Variants in ELF5 observed in about 807,000 individuals in gnomAD.
ELF5 encodes the protein ETS-related transcription factor Elf-5.
A neutral mutation model predicts 38.2 loss-of-function variants in ELF5; 31 were observed. That is an observed-to-expected ratio of 0.81 (90% confidence interval 0.61 to 1.10). ELF5 has a LOEUF of 1.10. ELF5 is among the 50% of genes least tolerant of loss of function. ELF5 has a pLI of 0.00. For synonymous variants in ELF5, 121 were observed against 112.5 expected (o/e 1.08, Z -0.48); for missense variants, 300 against 306.6 (o/e 0.98, Z 0.16).
At chr11:34,505,808 C>A (rs111890008) in intron 1 of ELF5, 55 bp from the exon 2 acceptor site, 35 of 1,589,638 alleles carry the variant, frequency 2.2e-5, no homozygotes, top group African/African-American at 2.0e-4. Flanking sequence ...CCTGAAGCCA[C>A]ACTGTGCAGG....
chr11:34,512,675 A>C (rs1850791988), intron 1 of ELF5, among the ~76,000 whole-genome samples: 1 of 152,046 alleles, frequency 6.6e-6, no homozygotes, highest in Admixed American at 6.5e-5. Context: ...AAAATCAGCC[A>C]TCAACAATGT....
At chr11:34,498,050 T>C (rs12574768) in intron 2 of ELF5, among the ~76,000 whole-genome samples, 31,611 of 152,184 alleles carry the variant, frequency 0.21, 3,550 homozygotes, top group South Asian at 0.37. Context: ...AAAATCACTG[T>C]TCTCAAACTT....
chr11:34,509,846 G>C (rs1850708067), intron 1 of ELF5, among the ~76,000 whole-genome samples: 1 of 152,180 alleles, frequency 6.6e-6, no homozygotes, highest in Non-Finnish European at 1.5e-5. Context: ...TGGGAGAAAG[G>C]AGAGGTGAAT....
At chr11:34,486,678 C>G (rs569423654) in intron 4 of ELF5, among the ~76,000 whole-genome samples, 38 of 152,356 alleles carry the variant, frequency 2.5e-4, no homozygotes, top group African/African-American at 9.1e-4. Context: ...CAAGTTATTA[C>G]ACCTCCAGTT....
In ELF5 at chr11:34,490,054, A is replaced by C. The variant is rs767471452; in HGVS notation, c.361T>G (p.Ser121Ala). The C allele has an allele frequency of 2.0e-5, 33 of 1,613,840 alleles. No homozygotes were observed. Among genetic ancestry groups the C allele is most frequent in the Non-Finnish European group, 2.8e-5 (33 of 1,179,930 alleles). Residue 121 changes from serine to alanine, a missense_variant, in exon 4 of 7, where the codon TCC becomes GCC. Physicochemically the swap from Ser to Ala is moderately conservative, Grantham distance 99. Transcript: ENST00000257832. ...ILQNIRTQGY[S>A]FFNDAEESKA... The stretch of plus-strand genomic sequence containing the variant: ...CTTTCTTCAGCGTCATTAAAAAAGG[A>C]GTAACCTGGGAAAGAAAAAGAAATC...
At chr11:34,488,793 TAGAG>T (rs1473726502) in intron 4 of ELF5, among the ~76,000 whole-genome samples, 2 of 152,150 alleles carry the variant, frequency 1.3e-5, no homozygotes, top group African/African-American at 4.8e-5. Context: ...CACTACTACT[TAGAG>T]AGTAAAGCAA....
At chr11:34,484,008 CTG>C (rs1344731266) in intron 4 of ELF5, among the ~76,000 whole-genome samples, 2 of 151,500 alleles carry the variant, frequency 1.3e-5, no homozygotes, top group African/African-American at 2.4e-5. Context: ...ACTATATTAA[CTG>C]TATTGTACTG....
chr11:34,480,517 G>C (rs1452299296), intron 6 of ELF5, among the ~76,000 whole-genome samples: 3 of 152,046 alleles, frequency 2.0e-5, no homozygotes, highest in Non-Finnish European at 4.4e-5. Context: ...AGCTCAAAAC[G>C]TGTTTTTCTT....
At chr11:34,490,206 G>T in intron 3 of ELF5, 147 bp from the exon 4 acceptor site, 1 of 815,588 alleles carries the variant, frequency 1.2e-6, no homozygotes, top group Non-Finnish European at 2.1e-6. Context: ...AGACCATCTG[G>T]TCTTAGAGTG....
intron 2 of ELF5, among the ~76,000 whole-genome samples, chr11:34,505,160 GATA>G (rs1480975042): frequency 6.6e-6 from 1 of 152,144 alleles, no homozygotes; most frequent in Non-Finnish European, 1.5e-5. Flanking sequence ...ATAAAATGGG[GATA>G]ATAATTGTTC....
intron 4 of ELF5, among the ~76,000 whole-genome samples, chr11:34,486,725 T>C (rs1171126104): frequency 1.3e-5 from 2 of 152,222 alleles, no homozygotes; most frequent in African/African-American, 2.4e-5. Flanking sequence ...CACTCCCTAA[T>C]GGAGCTAGAA....
Position 34,480,844 on chromosome 11 carries a change from G to A in ELF5, c.599C>T (p.Ala200Val). The change falls in exon 6 of 7, where the codon GCC (alanine) becomes GTC (valine). Residue 200 changes from alanine (A) to valine (V), a missense_variant. Physicochemically the swap from Ala to Val is moderately conservative, Grantham distance 64 (BLOSUM62 0). Coordinates refer to ENST00000257832, the MANE Select transcript of ELF5 (RefSeq NM_001422.4). ...CCTTTGTCCCCACATCTTTGCCAGG[G>A]CTTCCGATTTAACCACCCGAAAAAT... The part of the protein sequence containing the change: ...QGIFRVVKSE[A>V]LAKMWGQRKK... 3.7e-6 allele frequency: 6 copies of A among 1,613,966 alleles called. No individual in the cohort carries two copies. Among genetic ancestry groups the A allele is most frequent in the East Asian group, 4.5e-5 (2 of 44,870 alleles).
At chr11:34,499,160 C>T in intron 2 of ELF5, among the ~76,000 whole-genome samples, 1 of 152,080 alleles carries the variant, frequency 6.6e-6, no homozygotes, top group East Asian at 1.9e-4. Flanking sequence ...TGTCCCTAAG[C>T]CCTTCCTATA....
At chr11:34,487,007 C>T (rs988954004) in intron 4 of ELF5, among the ~76,000 whole-genome samples, 3 of 152,194 alleles carry the variant, frequency 2.0e-5, no homozygotes, top group Admixed American at 1.3e-4. Context: ...ACCATGATCA[C>T]GTGTCCTGGA....
intron 4 of ELF5, among the ~76,000 whole-genome samples, chr11:34,485,777 A>G (rs1051898821): frequency 1.1e-4 from 17 of 152,162 alleles, no homozygotes; most frequent in African/African-American, 4.1e-4. Flanking sequence ...GCAGGGGGCC[A>G]AAGTCATTAC....
chr11:34,485,388 T>C (rs1376693716), intron 4 of ELF5, among the ~76,000 whole-genome samples: 3 of 152,250 alleles, frequency 2.0e-5, no homozygotes, highest in Admixed American at 1.3e-4. Context: ...TGTCTATTAC[T>C]ACCCCCAGAT....
chr11:34,499,722 A>G (rs1420343127), intron 2 of ELF5, among the ~76,000 whole-genome samples: 2 of 152,204 alleles, frequency 1.3e-5, no homozygotes, highest in Non-Finnish European at 2.9e-5. Context: ...CCTGCCAGCT[A>G]CAGGAATTCT....
intron 4 of ELF5, among the ~76,000 whole-genome samples, chr11:34,485,468 AT>A (rs991151128): frequency 1.3e-5 from 2 of 152,246 alleles, no homozygotes; most frequent in African/African-American, 4.8e-5. Context: ...AAGGTGAATT[AT>A]TAAGTGTGAA....
At chr11:34,509,429 C>T (rs892649087) in intron 1 of ELF5, among the ~76,000 whole-genome samples, 2 of 152,186 alleles carry the variant, frequency 1.3e-5, no homozygotes, top group Non-Finnish European at 2.9e-5. Flanking sequence ...CTTTTCTGGG[C>T]CATCACCCAA....
Sources: gnomAD v4.1 joint callset for allele counts (sites outside exome capture counted in the v4.1 genomes callset) on GRCh38, gnomAD v4.1.1 for gene constraint, MANE v1.5 for transcripts, NCBI Gene and HGNC (gene_info 2026-07-23, HGNC 2026-07-21) for gene names.